The following RSRC1 variants were observed in gnomAD, a reference collection of about 807,000 sequenced individuals.
The protein encoded by RSRC1 is arginine and serine rich coiled-coil 1, also known as serine/Arginine-related protein 53.
In RSRC1, 39 loss-of-function variants were observed where a neutral mutation model predicts 49.1. The observed-to-expected ratio is 0.79, with a 90% confidence interval of 0.61 to 1.04. RSRC1 has a LOEUF of 1.04. RSRC1 is among the 50% of genes least tolerant of loss of function. The pLI is 0.00. For missense variants in RSRC1, 388 were observed against 402.4 expected (o/e 0.96, Z 0.31); for synonymous variants, 143 against 130.8 (o/e 1.09, Z -0.63).
chr3:158,518,019 T>C (rs1486716080), intron 7 of RSRC1, among the ~76,000 whole-genome samples: 3 of 148,832 alleles, frequency 2.0e-5, no homozygotes, highest in Non-Finnish European at 3.0e-5. Context: ...AACATGGTTA[T>C]GGTGTATTAT....
chr3:158,112,548 T>G (rs552762671), intron 1 of RSRC1, among the ~76,000 whole-genome samples: 22 of 152,336 alleles, frequency 1.4e-4, no homozygotes, highest in African/African-American at 4.8e-4. Flanking sequence ...CTTTCTTTTA[T>G]TGGGATTAAT....
intron 3 of RSRC1, among the ~76,000 whole-genome samples, chr3:158,157,841 G>A (rs984791823): frequency 2.6e-5 from 4 of 152,068 alleles, no homozygotes; most frequent in Admixed American, 6.6e-5. Context: ...CTTGAACCCC[G>A]GAGGTGGAGG....
At chr3:158,378,334 T>C (rs1732490809) in intron 6 of RSRC1, among the ~76,000 whole-genome samples, 1 of 152,256 alleles carries the variant, frequency 6.6e-6, no homozygotes, top group African/African-American at 2.4e-5. Flanking sequence ...ATCTGAGTTC[T>C]CTCAAGGTTG....
chr3:158,536,659 G>T (rs778146632), intron 7 of RSRC1, among the ~76,000 whole-genome samples: 1 of 151,316 alleles, frequency 6.6e-6, no homozygotes, highest in Admixed American at 6.6e-5. Flanking sequence ...TGATGCCTGG[G>T]ATTTATTTTT....
intron 3 of RSRC1, among the ~76,000 whole-genome samples, chr3:158,164,398 A>AT (rs750016861): frequency 1.4e-4 from 22 of 152,028 alleles, no homozygotes; most frequent in Non-Finnish European, 3.2e-4. Flanking sequence ...ATTAAATTTG[A>AT]TTTTTTAAAT....
At chr3:158,154,663 C>T (rs1037127384) in intron 3 of RSRC1, among the ~76,000 whole-genome samples, 1 of 152,046 alleles carries the variant, frequency 6.6e-6, no homozygotes, top group African/African-American at 2.4e-5. Context: ...CAGGTTTTCA[C>T]CATGTTGGCC....
intron 4 of RSRC1, among the ~76,000 whole-genome samples, chr3:158,227,374 T>C (rs1007706632): frequency 6.6e-6 from 1 of 151,994 alleles, no homozygotes; most frequent in Non-Finnish European, 1.5e-5. Context: ...TTTCTTCCTT[T>C]GCTTTCTACC....
At chr3:158,536,239 T>C (rs1215374180) in intron 7 of RSRC1, among the ~76,000 whole-genome samples, 1 of 151,318 alleles carries the variant, frequency 6.6e-6, no homozygotes, top group Admixed American at 6.6e-5. Flanking sequence ...TCACTAGTGG[T>C]TTACACAAAA....
At chr3:158,374,621 A>G (rs1158178705) in intron 6 of RSRC1, among the ~76,000 whole-genome samples, 1 of 152,196 alleles carries the variant, frequency 6.6e-6, no homozygotes, top group Non-Finnish European at 1.5e-5. Context: ...AGTACATTTA[A>G]TATATTCAAT....
intron 6 of RSRC1, among the ~76,000 whole-genome samples, chr3:158,355,860 A>G (rs1352968681): frequency 6.6e-6 from 1 of 151,872 alleles, no homozygotes; most frequent in African/African-American, 2.4e-5. Context: ...CTGTATCTAT[A>G]TCTATATTTA....
chr3:158,221,595 CTT>C (rs1722223657), intron 4 of RSRC1, among the ~76,000 whole-genome samples: 1 of 151,428 alleles, frequency 6.6e-6, no homozygotes, highest in Admixed American at 6.6e-5. Flanking sequence ...CATTAATAAT[CTT>C]TTATGTTTAG....
intron 7 of RSRC1, among the ~76,000 whole-genome samples, chr3:158,526,894 A>G (rs1385026578): frequency 2.0e-5 from 3 of 151,938 alleles, no homozygotes; most frequent in Non-Finnish European, 4.4e-5. Context: ...TTTTCCTTGC[A>G]TAATAAGTCC....
chr3:158,176,218 C>T (rs1174629555), intron 3 of RSRC1, among the ~76,000 whole-genome samples: 6 of 152,092 alleles, frequency 3.9e-5, no homozygotes, highest in Non-Finnish European at 5.9e-5. Context: ...TGAAAATGGC[C>T]ATACTGCCCA....
In RSRC1 at chr3:158,460,999, G is replaced by A. The variant is rs563826684; in HGVS notation, c.648G>A (p.Glu216=). The A allele has an allele frequency of 4.4e-5, 71 of 1,597,060 alleles. 1 individual carries two copies. The Admixed American group carries it at 5.4e-4, about 12-fold the overall frequency. ...AGGAAGAAGCAAAGAGAAGAAAGGA[G>A]GAAGGTAAAGGCATGTGTTCATTTT... ...RNEEEAKRRK[E]EDQATLVEQV... Residue 216 remains glutamate (E), a synonymous_variant, in exon 7 of 10, where the codon GAG becomes GAA. Transcript: ENST00000611884.
Position 158,544,895 on chromosome 3 carries a change from T to A in RSRC1, c.*620T>A, listed in dbSNP as rs1713237716. 1 of 152,204 alleles carries A rather than the reference T, an allele frequency of 6.6e-6. No individual in the cohort carries two copies. The highest frequency in any genetic ancestry group is 1.5e-5 in the Non-Finnish European group (1 of 68,026). The allele number at this position is 152,204 out of a possible 1,614,324, so 9.4% of individuals were successfully genotyped here. A position where few individuals can be genotyped will look rare whatever the true frequency, so the allele number is the denominator to read the frequency against. On this transcript the variant is annotated 3_prime_UTR_variant, in exon 10 of 10. Coordinates refer to ENST00000611884, the MANE Select transcript of RSRC1 (RefSeq NM_001271838.2). ...AGATCTCAGCTCATTGTTTTAGAAATCACATGTTCATGCTAGACCTAACCA... is the reference window on the plus strand; with the variant it reads ...AGATCTCAGCTCATTGTTTTAGAAAACACATGTTCATGCTAGACCTAACCA...
intron 7 of RSRC1, among the ~76,000 whole-genome samples, chr3:158,514,581 A>C (rs1320854464): frequency 6.6e-6 from 1 of 152,108 alleles, no homozygotes; most frequent in Non-Finnish European, 1.5e-5. Flanking sequence ...TGCTGAAAAA[A>C]ATGTATATTC....
intron 4 of RSRC1, among the ~76,000 whole-genome samples, chr3:158,241,255 C>T (rs1171276975): frequency 4.6e-5 from 7 of 151,848 alleles, no homozygotes; most frequent in Non-Finnish European, 7.4e-5. Flanking sequence ...CGCGACCAGC[C>T]TGGCCAATGT....
chr3:158,222,357 A>C (rs1221971153), intron 4 of RSRC1, among the ~76,000 whole-genome samples: 3 of 151,586 alleles, frequency 2.0e-5, no homozygotes, highest in African/African-American at 7.3e-5. Context: ...GACTATAGTT[A>C]ATAGCAATGT....
At chr3:158,166,771 C>T (rs563718481) in intron 3 of RSRC1, among the ~76,000 whole-genome samples, 1 of 152,170 alleles carries the variant, frequency 6.6e-6, no homozygotes, top group African/African-American at 2.4e-5. Context: ...TCAAATCAAT[C>T]AACTTGTTCT....
Sources: allele counts gnomAD v4.1 joint callset (sites outside exome capture counted in the v4.1 genomes callset), GRCh38; gene constraint gnomAD v4.1.1; transcripts MANE v1.5; gene names NCBI Gene and HGNC (gene_info 2026-07-23, HGNC 2026-07-21).